The following RTL9 variants were observed in gnomAD, a reference collection of about 807,000 sequenced individuals.
RTL9 encodes retrotransposon Gag-like protein 9.
A neutral mutation model predicts 44.7 loss-of-function variants in RTL9; 19 were observed. The ratio of observed to expected loss-of-function variants is 0.42; its 90% CI spans 0.30 to 0.62. The LOEUF is 0.62. Ranked by LOEUF, RTL9 falls within the 20% of genes least tolerant of loss-of-function variation. The pLI is 0.16. For missense variants in RTL9, 1,105 were observed against 1,080.6 expected, an observed-to-expected ratio of 1.02 and a Z score of -0.32; for synonymous variants, 407 against 398.9, an observed-to-expected ratio of 1.02 and a Z score of -0.24.
At chrX:110,376,136 G>A (rs947713828) in intron 1 of RTL9, among the ~76,000 whole-genome samples, 1 of 111,399 alleles carries the variant, frequency 9.0e-6, no homozygotes, top group Non-Finnish European at 1.9e-5. Flanking sequence ...TGTCTCTGAA[G>A]CCAGTGGGAA....
chrX:110,422,649 G>A (rs978878153), intron 1 of RTL9, among the ~76,000 whole-genome samples: 3 of 112,350 alleles, frequency 2.7e-5, no homozygotes, highest in African/African-American at 9.7e-5. Context: ...CCATGCCTGG[G>A]TATTTTTCCC....
upstream of RTL9, among the ~76,000 whole-genome samples, chrX:110,414,161 T>C (rs1015187534): frequency 1.8e-5 from 2 of 112,708 alleles, no homozygotes; most frequent in Non-Finnish European, 3.7e-5. Context: ...TCTGTGCTTA[T>C]GCCCAGATGG....
intron 1 of RTL9, among the ~76,000 whole-genome samples, chrX:110,434,060 G>A (rs1432339690): frequency 9.0e-6 from 1 of 111,667 alleles, no homozygotes; most frequent in African/African-American, 3.3e-5. Context: ...AAGGAGGCTT[G>A]AGCAGCATCT....
chrX:110,399,959 A>G (rs747979516), intron 1 of RTL9, among the ~76,000 whole-genome samples: 25 of 111,751 alleles, frequency 2.2e-4, no homozygotes, highest in African/African-American at 8.1e-4. Flanking sequence ...AAAGAAATTG[A>G]CAGGGATCAC....
At chrX:110,416,239 G>A (rs994118534), upstream of RTL9, among the ~76,000 whole-genome samples, 17 of 111,891 alleles carry the variant, frequency 1.5e-4, no homozygotes, top group African/African-American at 5.5e-4. Flanking sequence ...TTGAAGCCGA[G>A]TTCAGCTGGT....
chrX:110,388,561 A>G (rs1426729624), intron 1 of RTL9, among the ~76,000 whole-genome samples: 1 of 111,856 alleles, frequency 8.9e-6, no homozygotes, highest in East Asian at 2.8e-4. Flanking sequence ...ATAATAGCAG[A>G]TATAGGAAAA....
intron 1 of RTL9, among the ~76,000 whole-genome samples, chrX:110,398,123 G>T (rs765710307): frequency 4.5e-4 from 50 of 112,199 alleles, no homozygotes; most frequent in Non-Finnish European, 7.9e-4. Context: ...TTCTGGCAAT[G>T]TGTGATGCAT....
chrX:110,402,626 C>T lies in RTL9; in HGVS notation c.-167-42527C>T, dbSNP rs1374398738. ...TTTGGAATCACCAAGGTTGGGAAGCCAGGCCTCAGAGGGAGTGGCTGGAGG... is the reference window on the plus strand; with the variant it reads ...TTTGGAATCACCAAGGTTGGGAAGCTAGGCCTCAGAGGGAGTGGCTGGAGG... On this transcript the variant is annotated intron_variant, in intron 1 of 2. Transcript: ENST00000520821. Among the ~76,000 whole-genome samples the T allele has an allele frequency of 3.6e-5, 4 of 112,606 alleles. No individual in the cohort carries two copies. In the East Asian group the frequency reaches 1.1e-3, roughly 32 times the overall value.
intron 1 of RTL9, among the ~76,000 whole-genome samples, chrX:110,376,374 G>A (rs1602944954): frequency 9.0e-6 from 1 of 111,319 alleles, no homozygotes; most frequent in South Asian, 3.9e-4. Flanking sequence ...TCCAGACAGG[G>A]ATGTCAGAGT....
intron 1 of RTL9, among the ~76,000 whole-genome samples, chrX:110,363,109 C>A (rs751170977): frequency 6.3e-5 from 7 of 111,879 alleles, no homozygotes; most frequent in Non-Finnish European, 1.1e-4. Context: ...CTAGGCAGTA[C>A]CTACAAAGAT....
chrX:110,374,066 GA>G lies in RTL9; in HGVS notation c.-168+15158del, dbSNP rs1049164641. Among the ~76,000 whole-genome samples the G allele has an allele frequency of 2.3e-4, 26 of 110,681 alleles. No individual in the cohort carries two copies. The Admixed American group carries it at 2.5e-3, about 11-fold the overall frequency. ...TTCACATTCATCTAATAAAGCTCCA[GA>G]AAAAAAATAGGAAGAGATAATATTC... is the stretch of plus-strand genomic sequence containing the variant. On this transcript the variant is annotated intron_variant, in intron 1 of 2. Transcript: ENST00000520821.
At chrX:110,405,482 A>G (rs1007830688) in intron 1 of RTL9, among the ~76,000 whole-genome samples, 4 of 111,916 alleles carry the variant, frequency 3.6e-5, no homozygotes, top group Non-Finnish European at 7.5e-5. Context: ...CAAGAATGTT[A>G]GTGCTCCAGA....
At chrX:110,449,115 G>A (rs1263612370), upstream of RTL9, among the ~76,000 whole-genome samples, 2 of 110,610 alleles carry the variant, frequency 1.8e-5, no homozygotes, top group African/African-American at 6.6e-5. Flanking sequence ...AAGGGGGAGA[G>A]GTGGATCTTT....
chrX:110,450,312 T>C (rs1443506121), upstream of RTL9, among the ~76,000 whole-genome samples: 3 of 111,624 alleles, frequency 2.7e-5, no homozygotes, highest in African/African-American at 9.8e-5. Context: ...GGCTCCTGGC[T>C]GCGGAGGCTG....
At chrX:110,413,397 C>T (rs972231121) in intron 1 of RTL9, among the ~76,000 whole-genome samples, 3 of 111,009 alleles carry the variant, frequency 2.7e-5, no homozygotes, top group African/African-American at 9.8e-5. Context: ...CTCTAGCTTC[C>T]CCTGTTTGCT....
At chrX:110,452,773 T>C (rs1281822775) in exon 1 of RTL9, 2 of 1,210,722 alleles carry the variant, frequency 1.7e-6, no homozygotes, top group South Asian at 1.8e-5. Context: ...GGAAAGATGC[T>C]CAGTCAGCCA....
chrX:110,452,793 C>G (rs1369593762), exon 1 of RTL9: 6 of 1,209,813 alleles, frequency 5.0e-6, no homozygotes, highest in Non-Finnish European at 6.7e-6. Context: ...AATGAGCACC[C>G]AAGATCCTGG....
chrX:110,391,466 G>A (rs193065091), intron 1 of RTL9, among the ~76,000 whole-genome samples: 1 of 111,835 alleles, frequency 8.9e-6, no homozygotes, highest in East Asian at 2.8e-4. Flanking sequence ...TCTATGATTT[G>A]TATAGTAGCC....
At chrX:110,443,211 G>A (rs1393631905) in intron 1 of RTL9, among the ~76,000 whole-genome samples, 1 of 111,574 alleles carries the variant, frequency 9.0e-6, no homozygotes, top group Non-Finnish European at 1.9e-5. Flanking sequence ...AAGTATTGAG[G>A]TTCAAGCCCA....
Sources: allele counts gnomAD v4.1 joint callset (sites outside exome capture counted in the v4.1 genomes callset), GRCh38; gene constraint gnomAD v4.1.1; transcripts MANE v1.5; gene names NCBI Gene and HGNC (gene_info 2026-07-23, HGNC 2026-07-21).